Variants in CEP192 observed in about 807,000 individuals in gnomAD.
CEP192 encodes centrosomal protein of 192 kDa.
In CEP192, 151 loss-of-function variants were observed where a neutral mutation model predicts 271.8. That is an observed-to-expected ratio of 0.56 (90% CI 0.49 to 0.64). The LOEUF (loss-of-function observed/expected upper bound fraction) is 0.64, where lower values mean the gene tolerates loss of function less well. CEP192 is among the 30% of genes least tolerant of loss of function. The probability of loss-of-function intolerance (pLI) is 0.00; values close to 1 mark genes in which losing one functional copy is unlikely to be tolerated. For missense variants in CEP192, 2,910 were observed against 3,020.5 expected (o/e 0.96, Z 0.86); for synonymous variants, 995 against 1,076.5 (o/e 0.92, Z 1.48).
chr18:13,030,414 A>C, intron 10 of CEP192, 51 bp from the exon 11 acceptor site: 1 of 1,436,020 alleles, frequency 7.0e-7, no homozygotes, highest in South Asian at 1.4e-5. Flanking sequence ...ATGTTTTGTC[A>C]TTTTAGTTGT....
At chr18:13,106,195 C>G (rs2039936402) in intron 40 of CEP192, among the ~76,000 whole-genome samples, 1 of 152,052 alleles carries the variant, frequency 6.6e-6, no homozygotes, top group African/African-American at 2.4e-5. Context: ...TTTCCCACAC[C>G]TCAACCAAAT....
At chr18:13,059,398 A>T (rs529325064) in intron 21 of CEP192, 86 bp downstream of exon 21, 9 of 1,113,266 alleles carry the variant, frequency 8.1e-6, no homozygotes, top group Non-Finnish European at 1.2e-5. Flanking sequence ...GGAAAAAGAA[A>T]TTTGTGGACG....
intron 28 of CEP192, among the ~76,000 whole-genome samples, chr18:13,072,034 T>C (rs1201844245): frequency 6.6e-6 from 1 of 152,254 alleles, no homozygotes; most frequent in Non-Finnish European, 1.5e-5. Context: ...CCAGTCATTG[T>C]ACCTGTGGAA....
At chr18:13,091,399 A>G (rs2039139931) in intron 33 of CEP192, among the ~76,000 whole-genome samples, 1 of 152,174 alleles carries the variant, frequency 6.6e-6, no homozygotes, top group Non-Finnish European at 1.5e-5. Context: ...CCTTGTGATT[A>G]TAAGTTTATT....
At chr18:12,997,487 G>A (rs1403654911) in intron 1 of CEP192, among the ~76,000 whole-genome samples, 1 of 152,168 alleles carries the variant, frequency 6.6e-6, no homozygotes, top group East Asian at 1.9e-4. Flanking sequence ...TGTGTTTTAT[G>A]GCTTGAGTTT....
rs758738550 is a variant in CEP192 at position 13,048,982 on chromosome 18, C to T, written c.2191C>T (p.Pro731Ser). The T allele has an allele frequency of 1.2e-6, 2 of 1,614,024 alleles. No homozygotes were observed. Among genetic ancestry groups the T allele is most frequent in the Non-Finnish European group, 1.7e-6 (2 of 1,179,912 alleles). Reference sequence around the variant, plus strand: ...TGCAGAGGCATCAGTTAATACTGATCCTTCCCAACTTGCTGCAATGATCAA... The same window carrying T: ...TGCAGAGGCATCAGTTAATACTGATTCTTCCCAACTTGCTGCAATGATCAA... Reference protein sequence around the residue: ...AIAEASVNTDPSQLAAMIKAL... With the variant: ...AIAEASVNTDSSQLAAMIKAL... Residue 731 changes from proline (P) to serine (S), a missense_variant, in exon 16 of 45, where the codon CCT (proline) becomes TCT (serine). Physicochemically the swap from Pro to Ser is moderately conservative, Grantham distance 74 (BLOSUM62 -1). Transcript: ENST00000506447.
intron 30 of CEP192, among the ~76,000 whole-genome samples, chr18:13,082,813 C>T (rs961802963): frequency 6.6e-5 from 10 of 152,120 alleles, no homozygotes; most frequent in Non-Finnish European, 1.5e-4. Flanking sequence ...GTAAGGCAGG[C>T]CTGGTGGTGA....
Position 13,052,914 on chromosome 18 carries a change from T to C in CEP192, c.3018-5T>C. ...CTCCAGGTGTGAGCTACTCTTCTCT[T>C]TCAGGTGTGCGTTAGAGTCCTTTGG... is the stretch of plus-strand genomic sequence containing the variant. On this transcript the variant is annotated splice_region_variant and splice_polypyrimidine_tract_variant and intron_variant, in intron 17 of 44. Coordinates refer to ENST00000506447, the MANE Select transcript of CEP192 (RefSeq NM_032142.4). The C allele has an allele frequency of 6.5e-7, 1 of 1,547,606 alleles. No individual in the cohort carries two copies. Among genetic ancestry groups the C allele is most frequent in the Non-Finnish European group, 8.8e-7 (1 of 1,140,074 alleles).
intron 14 of CEP192, 93 bp from the exon 15 acceptor site, chr18:13,042,111 G>T (rs2036239835): frequency 1.1e-5 from 11 of 987,886 alleles, no homozygotes; most frequent in Non-Finnish European, 1.6e-5. Flanking sequence ...CATCTTCCTT[G>T]GTAAATTAGT....
chr18:13,056,522 G>A lies in CEP192; in HGVS notation c.3932G>A (p.Gly1311Glu). 1.2e-6 allele frequency: 2 copies of A among 1,614,196 alleles called. No individual in the cohort carries two copies. The highest frequency in any genetic ancestry group is 1.7e-6 in the Non-Finnish European group (2 of 1,180,028). The change falls in exon 19 of 45, where the codon GGA becomes GAA. Residue 1311 changes from glycine to glutamate, a missense_variant. Physicochemically the swap from Gly to Glu is moderately conservative, Grantham distance 98. Coordinates refer to ENST00000506447, the MANE Select transcript of CEP192 (RefSeq NM_032142.4). ...CCTGTGCAGAACTCTGTGGCTGTGG[G>A]AATTTGTCTAGGATCAAATATCGGC... is the stretch of plus-strand genomic sequence containing the variant. ...GEPVQNSVAV[G>E]ICLGSNIGSG...
rs1392892207 is a variant in CEP192, at chr18:13,069,147, A to G, written c.5021A>G (p.Asn1674Ser). The G allele has an allele frequency of 6.2e-7, 1 of 1,614,166 alleles. No individual in the cohort carries two copies. The highest frequency in any genetic ancestry group is 2.2e-5 in the East Asian group (1 of 44,882). ...AGAAAGCAGCACTTACCTTTGAAAA[A>G]TGCTGGGAACATTGAAGTTTATTTG... ...SSRKQHLPLKNAGNIEVYLDI... is the reference protein window; with the variant it reads ...SSRKQHLPLKSAGNIEVYLDI... Residue 1674 changes from asparagine (N) to serine (S), a missense_variant, in exon 26 of 45, where the codon AAT becomes AGT. Physicochemically the swap from Asn to Ser is conservative, Grantham distance 46. Transcript: ENST00000506447.
intron 2 of CEP192, chr18:13,000,440 T>C (rs2033569424): frequency 1.3e-5 from 2 of 152,238 alleles, no homozygotes; most frequent in African/African-American, 4.8e-5. Context: ...CTGTTCCAAA[T>C]ACAGTCACCT....
At chr18:13,062,989 C>G (rs923197320) in intron 21 of CEP192, among the ~76,000 whole-genome samples, 2 of 152,120 alleles carry the variant, frequency 1.3e-5, no homozygotes, top group Admixed American at 6.6e-5. Context: ...GTTTGTCTTT[C>G]TGTGCCTGGC....
intron 21 of CEP192, among the ~76,000 whole-genome samples, chr18:13,064,917 A>C (rs1438456451): frequency 1.3e-5 from 2 of 151,986 alleles, no homozygotes; most frequent in Non-Finnish European, 2.9e-5. Context: ...GTAAACATGG[A>C]ATGTTTTTCT....
At chr18:12,992,592 G>A (rs2032938460) in intron 1 of CEP192, among the ~76,000 whole-genome samples, 2 of 152,120 alleles carry the variant, frequency 1.3e-5, no homozygotes, top group Non-Finnish European at 2.9e-5. Flanking sequence ...GGAGGGGTGG[G>A]TAATGCAATA....
chr18:13,015,509 T>C lies in CEP192; in HGVS notation c.640+61T>C. The C allele has an allele frequency of 2.0e-6, 3 of 1,522,234 alleles. No individual in the cohort carries two copies. The South Asian group carries it at 3.7e-5, about 19-fold the overall frequency. 94.3% of individuals were successfully genotyped at this position (1,522,234 alleles called of 1,614,324 possible). A position where few individuals can be genotyped will look rare whatever the true frequency, so the allele number is the denominator to read the frequency against. ...CCTTGCCACTCCACTTTATTCTTCT[T>C]TGTTGCAGTAGTTATGATGCCAACT... is the stretch of plus-strand genomic sequence containing the variant. On this transcript the variant is annotated intron_variant, in intron 6 of 44. Transcript: ENST00000506447.
intron 21 of CEP192, among the ~76,000 whole-genome samples, chr18:13,065,567 T>C (rs1448371803): frequency 6.6e-6 from 1 of 152,248 alleles, no homozygotes; most frequent in Non-Finnish European, 1.5e-5. Flanking sequence ...TGCTCATGTG[T>C]ACAATTGTGA....
At chr18:13,106,232 A>G (rs2039938598) in intron 40 of CEP192, among the ~76,000 whole-genome samples, 1 of 151,950 alleles carries the variant, frequency 6.6e-6, no homozygotes, top group Non-Finnish European at 1.5e-5. Context: ...CCCCATTACT[A>G]CTACCACTCA....
rs894309561 is a variant in CEP192 at position 13,015,582 on chromosome 18, A to T, written c.640+134A>T. 1.2e-5 allele frequency: 9 copies of T among 720,342 alleles called. No homozygotes were observed. The South Asian group carries it at 1.3e-4, about 11-fold the overall frequency. The allele number at this position is 720,342 out of a possible 1,614,324, so 44.6% of individuals were successfully genotyped here. A position where few individuals can be genotyped will look rare whatever the true frequency, so the allele number is the denominator to read the frequency against. On this transcript the variant is annotated intron_variant, in intron 6 of 44. Coordinates refer to ENST00000506447, the MANE Select transcript of CEP192 (RefSeq NM_032142.4). ...TTTTCTTCCTACCTGCCAGCACTCA[A>T]ATGGCCACTTCTATTAAGTGATGGA...
Sources: allele counts gnomAD v4.1 joint callset (sites outside exome capture counted in the v4.1 genomes callset), GRCh38; gene constraint gnomAD v4.1.1; transcripts MANE v1.5; gene names NCBI Gene and HGNC (gene_info 2026-07-23, HGNC 2026-07-21).